The following EPHB1 variants were observed in gnomAD, a reference collection of about 807,000 sequenced individuals.
EPHB1 encodes the protein EPH receptor B1.
EPHB1 carries 30 observed loss-of-function variants against 94.4 expected under a neutral mutation model. That is an observed-to-expected ratio of 0.32 (90% CI 0.24 to 0.43). The LOEUF (loss-of-function observed/expected upper bound fraction) is 0.43, where lower values mean the gene tolerates loss of function less well. EPHB1 is among the 20% of genes least tolerant of loss of function. EPHB1 has a pLI of 1.00. For synonymous variants in EPHB1, 522 were observed against 489.1 expected (o/e 1.07, Z -0.89); for missense variants, 1,055 against 1,308.3 (o/e 0.81, Z 2.99).
intron 3 of EPHB1, among the ~76,000 whole-genome samples, chr3:134,989,497 G>GCGCA (rs1553718765): frequency 1.2e-3 from 187 of 149,968 alleles, no homozygotes; most frequent in African/African-American, 4.1e-3. Flanking sequence ...ACGCGCGCGT[G>GCGCA]CACACACACA....
chr3:135,110,856 A>G (rs1946857855), intron 4 of EPHB1, among the ~76,000 whole-genome samples: 1 of 152,032 alleles, frequency 6.6e-6, no homozygotes, highest in Non-Finnish European at 1.5e-5. Context: ...CCCAGGCACG[A>G]CAGGGCAGTG....
chr3:135,005,650 T>C, intron 3 of EPHB1, among the ~76,000 whole-genome samples: 1 of 152,206 alleles, frequency 6.6e-6, no homozygotes, highest in South Asian at 2.1e-4. Flanking sequence ...GTGCGGGATA[T>C]AATCTCCTGG....
At chr3:134,972,764 G>A (rs1327551026) in intron 3 of EPHB1, among the ~76,000 whole-genome samples, 2 of 151,976 alleles carry the variant, frequency 1.3e-5, no homozygotes, top group Non-Finnish European at 2.9e-5. Flanking sequence ...TTGGACAATG[G>A]GACACAATTT....
intron 3 of EPHB1, among the ~76,000 whole-genome samples, chr3:135,017,019 C>T (rs1366607205): frequency 6.6e-6 from 1 of 152,184 alleles, no homozygotes; most frequent in East Asian, 1.9e-4. Context: ...AGACTTCTTC[C>T]TTAGGCAGGC....
Position 135,185,855 on chromosome 3 carries a change from C to A in EPHB1, c.1882+5873C>A, listed in dbSNP as rs1166460562. Among the ~76,000 whole-genome samples, 7 of 152,294 alleles carry A rather than the reference C, an allele frequency of 4.6e-5. No individual in the cohort carries two copies. The South Asian group carries it at 8.3e-4, about 18-fold the overall frequency. ...CTAGCAGTTTTGAATACTCAAGCCT[C>A]GTTGTTGGGAATTATGATACCATCC... On this transcript the variant is annotated intron_variant, in intron 10 of 15. Coordinates refer to ENST00000398015, the MANE Select transcript of EPHB1 (RefSeq NM_004441.5).
chr3:134,911,612 A>G (rs1377763875), intron 1 of EPHB1, among the ~76,000 whole-genome samples: 1 of 152,116 alleles, frequency 6.6e-6, no homozygotes, highest in Non-Finnish European at 1.5e-5. Context: ...TAGGCCATGA[A>G]GACTGTATGT....
intron 15 of EPHB1, among the ~76,000 whole-genome samples, chr3:135,257,984 C>A (rs534047121): frequency 4.6e-5 from 7 of 152,120 alleles, no homozygotes; most frequent in Non-Finnish European, 7.4e-5. Flanking sequence ...TTCCAGGTGC[C>A]GTCCATCACC....
chr3:134,901,979 A>G (rs2038212297), intron 1 of EPHB1, among the ~76,000 whole-genome samples: 1 of 152,262 alleles, frequency 6.6e-6, no homozygotes, highest in Admixed American at 6.5e-5. Flanking sequence ...TGCTGATGAC[A>G]GTGACAATGT....
At chr3:135,064,112 A>G (rs1459071383) in intron 3 of EPHB1, among the ~76,000 whole-genome samples, 3 of 152,114 alleles carry the variant, frequency 2.0e-5, no homozygotes. Context: ...TTTGTTAAGA[A>G]TTTTAGCATG....
chr3:135,258,238 GTTAA>G (rs1258754280), intron 15 of EPHB1, among the ~76,000 whole-genome samples: 2 of 152,108 alleles, frequency 1.3e-5, no homozygotes, highest in Non-Finnish European at 2.9e-5. Flanking sequence ...TCCAATCACT[GTTAA>G]TTAAATTTTT....
At chr3:134,874,917 A>G (rs951196149) in intron 1 of EPHB1, among the ~76,000 whole-genome samples, 7 of 152,166 alleles carry the variant, frequency 4.6e-5, no homozygotes, top group Admixed American at 1.3e-4. Context: ...CGGAGCTTGC[A>G]TTGCTATCCG....
intron 15 of EPHB1, among the ~76,000 whole-genome samples, chr3:135,250,548 G>A (rs990768731): frequency 6.6e-6 from 1 of 152,122 alleles, no homozygotes; most frequent in South Asian, 2.1e-4. Flanking sequence ...GTTGTGGTAA[G>A]ATCTGAGCAT....
chr3:135,155,183 G>T (rs1331375517), intron 6 of EPHB1, among the ~76,000 whole-genome samples: 1 of 152,076 alleles, frequency 6.6e-6, no homozygotes, highest in African/African-American at 2.4e-5. Flanking sequence ...AAAATCAACA[G>T]CATAGAGGAA....
At chr3:135,179,821 CT>C in intron 9 of EPHB1, 38 bp from the exon 10 acceptor site, 1 of 1,611,646 alleles carries the variant, frequency 6.2e-7, no homozygotes. Flanking sequence ...CAACCATGTC[CT>C]CTTTGGGATG....
rs183234182 is a variant in EPHB1, at chr3:135,154,163, G to A, written c.1309G>A (p.Val437Ile). 3.8e-5 allele frequency: 62 copies of A among 1,613,810 alleles called. No individual in the cohort carries two copies. The highest frequency in any genetic ancestry group is 1.3e-4 in the Admixed American group (8 of 60,002). Residue 437 changes from valine (V) to isoleucine (I), a missense_variant, in exon 6 of 16, where the codon GTT (valine) becomes ATT (isoleucine). Val to Ile is a conservative substitution (Grantham distance 29). Coordinates refer to ENST00000398015, the MANE Select transcript of EPHB1 (RefSeq NM_004441.5). ...TTCTCTCTCCACAGCCCCCTCCACC[G>A]TTCCCATCATGCACCAAGTCAGTGC... ...ITTNQAAPST[V>I]PIMHQVSATM... is the part of the protein sequence containing the mutation.
At position 134,951,782 on chromosome 3, in the gene EPHB1, G is replaced by C. The variant is rs2107715877; in HGVS notation, c.535G>C (p.Asp179His). 1 of 1,614,016 alleles carries C rather than the reference G, an allele frequency of 6.2e-7. No individual in the cohort carries two copies. The highest frequency in any genetic ancestry group is 8.5e-7 in the Non-Finnish European group (1 of 1,179,902). The change falls in exon 3 of 16, where the codon GAT becomes CAT. Residue 179 changes from aspartate to histidine, a missense_variant. By Grantham distance (81) the Asp-to-His change is moderately conservative. Coordinates refer to ENST00000398015, the MANE Select transcript of EPHB1 (RefSeq NM_004441.5). The surrounding 1 kb of genome is among the most constrained non-coding windows in gnomAD (Gnocchi z 4.5). ...TRNGFYLAFQ[D>H]YGACMSLLSV... is the part of the protein sequence containing the mutation. ...GAATGGTTTTTACCTCGCTTTTCAG[G>C]ATTATGGAGCCTGTATGTCTCTTCT... is the stretch of plus-strand genomic sequence containing the variant.
At chr3:135,257,172 G>A (rs894115245) in intron 15 of EPHB1, among the ~76,000 whole-genome samples, 48 of 151,546 alleles carry the variant, frequency 3.2e-4, no homozygotes, top group African/African-American at 7.5e-4. Context: ...ATGTCCTCCC[G>A]TAGCTCAGAG....
intron 1 of EPHB1, among the ~76,000 whole-genome samples, chr3:134,890,042 A>G (rs564574542): frequency 5.9e-5 from 9 of 152,282 alleles, no homozygotes; most frequent in East Asian, 3.9e-4. Context: ...GTAAACACCT[A>G]TCTACCTACC....
At chr3:135,070,083 T>C (rs1576360778) in intron 3 of EPHB1, among the ~76,000 whole-genome samples, 1 of 152,280 alleles carries the variant, frequency 6.6e-6, no homozygotes, top group Admixed American at 6.5e-5. Flanking sequence ...ATTGAATTCT[T>C]TCCATTTCAA....
Sources: gnomAD v4.1 joint callset for allele counts (sites outside exome capture counted in the v4.1 genomes callset) on GRCh38, gnomAD v4.1.1 for gene constraint, Gnocchi (gnomAD v3.1) non-coding constraint, MANE v1.5 for transcripts, NCBI Gene and HGNC (gene_info 2026-07-23, HGNC 2026-07-21) for gene names.